Variants in PGM1 observed in about 807,000 individuals in gnomAD.
PGM1 encodes phosphoglucomutase 1, also known as phosphoglucomutase-1.
A neutral mutation model predicts 55.6 loss-of-function variants in PGM1; 52 were observed. The observed-to-expected ratio is 0.94, with a 90% CI of 0.75 to 1.18. The LOEUF (loss-of-function observed/expected upper bound fraction) is 1.18, where lower values mean the gene tolerates loss of function less well. PGM1 is among the 50% of genes most tolerant of loss of function. The pLI is 0.00. For missense variants in PGM1, 724 were observed against 729.3 expected (o/e 0.99, Z 0.08); for synonymous variants, 287 against 271.7 (o/e 1.06, Z -0.55).
intron 7 of PGM1, among the ~76,000 whole-genome samples, chr1:63,646,982 C>T (rs571561644): frequency 2.0e-3 from 299 of 152,050 alleles, no homozygotes; most frequent in African/African-American, 5.9e-3. Context: ...GTGGCTCACG[C>T]CTGTAATCCT....
At chr1:63,623,514 T>G in intron 1 of PGM1, 1 of 1,612,604 alleles carries the variant, frequency 6.2e-7, no homozygotes, top group Non-Finnish European at 8.5e-7. Flanking sequence ...TGGAAGAAGG[T>G]CCTCTCCCTC....
chr1:63,615,914 G>T (rs1648699806), intron 1 of PGM1, among the ~76,000 whole-genome samples: 1 of 151,998 alleles, frequency 6.6e-6, no homozygotes, highest in Non-Finnish European at 1.5e-5. Context: ...TTGGTGAAGG[G>T]AGCCCATAGA....
At chr1:63,638,594 T>G (rs572642370) in intron 6 of PGM1, 91 bp from the exon 7 acceptor site, 1 of 850,884 alleles carries the variant, frequency 1.2e-6, no homozygotes, top group East Asian at 2.4e-5. Context: ...AATGGGACCC[T>G]TGATTACAAT....
At chr1:63,624,482 C>T (rs1316692399) in intron 1 of PGM1, among the ~76,000 whole-genome samples, 1 of 152,174 alleles carries the variant, frequency 6.6e-6, no homozygotes, top group Non-Finnish European at 1.5e-5. Context: ...TGTACCAGAA[C>T]GCATTGATCT....
rs552138594 is a variant in PGM1 at position 63,649,484 on chromosome 1, A to C, written c.1280+832A>C. 4.6e-5 allele frequency among the ~76,000 whole-genome samples: 7 copies of C among 152,332 alleles called. No homozygotes were observed. The South Asian group carries it at 1.4e-3, about 32-fold the overall frequency. On this transcript the variant is annotated intron_variant, in intron 8 of 10. Transcript: ENST00000371084. ...CAATTATAGAGAGAAAATATGGTAA[A>C]AAGGATATTAGATGAATTGTTTATG...
chr1:63,648,458 C>A, intron 7 of PGM1, 59 bp from the exon 8 acceptor site: 2 of 1,605,214 alleles, frequency 1.2e-6, no homozygotes, highest in Non-Finnish European at 8.5e-7. Flanking sequence ...ATATCAAGTA[C>A]CTTCTCAGGT....
intron 10 of PGM1, among the ~76,000 whole-genome samples, chr1:63,656,416 G>A (rs1285345613): frequency 6.6e-5 from 10 of 152,162 alleles, no homozygotes; most frequent in Admixed American, 5.2e-4. Flanking sequence ...ACTAATATAC[G>A]ATCCAGTAAT....
chr1:63,634,838 CGTAT>C lies in PGM1; in HGVS notation c.696_699del (p.Tyr232Ter). 12 of 1,612,424 alleles carry C rather than the reference CGTAT, an allele frequency of 7.4e-6. No homozygotes were observed. The highest frequency in any genetic ancestry group is 9.3e-6 in the Non-Finnish European group (11 of 1,179,262). On this transcript the variant is annotated frameshift_variant, in exon 5 of 11. Transcript: ENST00000371084. LOFTEE classifies it high-confidence loss of function. ...TCCATGCTGTATATAGTTGTGGGACCGTATGTAAAGAAGATCCTCTGTGAAGAAC... is the reference window on the plus strand; with the variant it reads ...TCCATGCTGTATATAGTTGTGGGACCGTAAAGAAGATCCTCTGTGAAGAAC...
At chr1:63,628,865 G>A (rs373805717) in intron 1 of PGM1, among the ~76,000 whole-genome samples, 6 of 152,148 alleles carry the variant, frequency 3.9e-5, no homozygotes, top group African/African-American at 1.4e-4. Flanking sequence ...AAGTAGGTGT[G>A]TCTTGCTTTG....
intron 1 of PGM1, among the ~76,000 whole-genome samples, chr1:63,627,714 T>C (rs556103934): frequency 1.3e-5 from 2 of 152,256 alleles, no homozygotes; most frequent in East Asian, 3.9e-4. Context: ...TGTAGCTTAA[T>C]ATCACCAGCC....
chr1:63,627,962 C>T lies in PGM1; in HGVS notation c.247-1463C>T, dbSNP rs573800140. Among the ~76,000 whole-genome samples the T allele has an allele frequency of 5.9e-5, 9 of 152,114 alleles. No homozygotes were observed. The South Asian group carries it at 6.2e-4, about 10-fold the overall frequency. Reference sequence around the variant, plus strand: ...CCGCTAATGTGCTGTGTGGCCTTGTCGTGTCATCTACGCCAGTGTCTGCCA... The same window carrying T: ...CCGCTAATGTGCTGTGTGGCCTTGTTGTGTCATCTACGCCAGTGTCTGCCA... On this transcript the variant is annotated intron_variant, in intron 1 of 10. Transcript: ENST00000371084.
At chr1:63,657,215 T>G (rs919967868) in intron 10 of PGM1, among the ~76,000 whole-genome samples, 4 of 152,238 alleles carry the variant, frequency 2.6e-5, no homozygotes, top group African/African-American at 9.6e-5. Context: ...GAAACTCATT[T>G]GGAAACCCCT....
In PGM1 at chr1:63,660,040, A is replaced by G; in HGVS notation, c.*365A>G. On this transcript the variant is annotated 3_prime_UTR_variant, in exon 11 of 11. Transcript: ENST00000371084. ...ATCCTTAGGATGTGGCAATGAAATG[A>G]TGGTGCAAGTTCCTTTCTCTTTTGT... 1 of 319,248 alleles carries G rather than the reference A, an allele frequency of 3.1e-6. No homozygotes were observed. Among genetic ancestry groups the G allele is most frequent in the Non-Finnish European group, 6.0e-6 (1 of 165,364 alleles). 19.8% of individuals were successfully genotyped at this position (319,248 alleles called of 1,614,324 possible). A position where few individuals can be genotyped will look rare whatever the true frequency, so the allele number is the denominator to read the frequency against.
intron 1 of PGM1, among the ~76,000 whole-genome samples, chr1:63,605,489 G>C (rs1328052179): frequency 1.3e-5 from 2 of 152,156 alleles, no homozygotes; most frequent in African/African-American, 4.8e-5. Flanking sequence ...AGGCTAGTAC[G>C]AAGGCAGTAT....
chr1:63,629,975 T>G lies in PGM1; in HGVS notation c.443T>G (p.Phe148Cys). 1 of 1,614,058 alleles carries G rather than the reference T, an allele frequency of 6.2e-7. No homozygotes were observed. The highest frequency in any genetic ancestry group is 1.1e-5 in the South Asian group (1 of 91,082). ...PAPEAITDKI[F>C]QISKTIEEYA... The stretch of plus-strand genomic sequence containing the variant: ...CCAGAAGCAATAACTGATAAAATTT[T>G]CCAAATCAGCAAGACAATTGAAGAA... Residue 148 changes from phenylalanine to cysteine, a missense_variant, in exon 3 of 11, where the codon TTC (phenylalanine) becomes TGC (cysteine). Physicochemically the swap from Phe to Cys is radical, Grantham distance 205. This residue lies in a region of PGM1 where 379 missense variants were observed against 357.5 expected (regional missense o/e 1.06). Transcript: ENST00000371084.
At chr1:63,615,087 C>T (rs374064460) in intron 1 of PGM1, among the ~76,000 whole-genome samples, 11 of 152,308 alleles carry the variant, frequency 7.2e-5, no homozygotes, top group East Asian at 1.9e-4. Context: ...GCTACCTGTC[C>T]CATTCCTCCA....
chr1:63,629,710 T>C, intron 2 of PGM1, 123 bp downstream of exon 2: 1 of 1,047,798 alleles, frequency 9.5e-7, no homozygotes, highest in East Asian at 2.5e-5. Context: ...AGGTGCTCTT[T>C]GCTTCCTTTC....
chr1:63,634,712 G>A (rs1295736933), intron 4 of PGM1, 117 bp from the exon 5 acceptor site: 10 of 810,698 alleles, frequency 1.2e-5, no homozygotes, highest in Non-Finnish European at 1.3e-5. Flanking sequence ...ACACATTCCT[G>A]TTGTTTCTCA....
chr1:63,619,463 A>G (rs150009347), intron 1 of PGM1, among the ~76,000 whole-genome samples: 228 of 152,346 alleles, frequency 1.5e-3, no homozygotes, highest in African/African-American at 5.2e-3. Context: ...ACAAGATCAC[A>G]TTGACTGGGA....
Sources: gnomAD v4.1 joint callset for allele counts (sites outside exome capture counted in the v4.1 genomes callset) on GRCh38, gnomAD v4.1.1 for gene constraint, gnomAD v4.1.1 regional missense constraint, MANE v1.5 for transcripts, NCBI Gene and HGNC (gene_info 2026-07-23, HGNC 2026-07-21) for gene names.